HK1: variants seen among roughly 807,000 people sequenced by gnomAD.
HK1 encodes the protein hexokinase 1.
HK1 carries 28 observed loss-of-function variants against 91.6 expected under a neutral mutation model. That is an observed-to-expected ratio of 0.31 (90% CI 0.23 to 0.42). HK1 has a LOEUF of 0.42. Among genes scored for constraint, HK1 ranks in the 10% least tolerant of loss-of-function variants. The probability of loss-of-function intolerance (pLI) is 1.00; values close to 1 mark genes in which losing one functional copy is unlikely to be tolerated. For synonymous variants in HK1, 430 were observed against 468.1 expected, an observed-to-expected ratio of 0.92 and a Z score of 1.05; for missense variants, 770 against 1,219.8, an observed-to-expected ratio of 0.63 and a Z score of 5.49.
chr10:69,318,484 G>C (rs1409947754), upstream of HK1, among the ~76,000 whole-genome samples: 1 of 152,210 alleles, frequency 6.6e-6, no homozygotes, highest in Non-Finnish European at 1.5e-5. Context: ...GAGCCGGGCG[G>C]TGCCTCCTGC....
chr10:69,319,024 C>G lies in HK1; in HGVS notation c.63+14C>G, dbSNP rs964971476. 1.3e-6 allele frequency: 2 copies of G among 1,592,044 alleles called. No individual in the cohort carries two copies. The highest frequency in any genetic ancestry group is 2.7e-5 in the African/African-American group (2 of 74,322). On this transcript the variant is annotated intron_variant, in intron 1 of 17. Transcript: ENST00000359426. ...CAGGTCAAAAAGGTGAGCCCCCGCC[C>G]GCGCCGCCGCTGGTCCTGGCCGCAG...
chr10:69,319,795 A>C (rs1846900763), intron 1 of HK1, among the ~76,000 whole-genome samples: 1 of 152,188 alleles, frequency 6.6e-6, no homozygotes. Context: ...TTAGTGTAAA[A>C]TACTGTCCGC....
chr10:69,379,029 G>A (rs1168627993), intron 8 of HK1, among the ~76,000 whole-genome samples: 2 of 152,106 alleles, frequency 1.3e-5, no homozygotes, highest in South Asian at 2.1e-4. Context: ...GGTTCGTGCC[G>A]CAGTAACAGA....
chr10:69,318,892 G>C lies in HK1; in HGVS notation c.-56G>C. The C allele has an allele frequency of 6.5e-7, 1 of 1,543,162 alleles. No homozygotes were observed. The highest frequency in any genetic ancestry group is 8.7e-7 in the Non-Finnish European group (1 of 1,146,442). ...CCGCCGGAGGACCACGGCTCGCCAGGGCTGCGGAGGACCGACCGTCCCCAC... is the reference window on the plus strand; with the variant it reads ...CCGCCGGAGGACCACGGCTCGCCAGCGCTGCGGAGGACCGACCGTCCCCAC... On this transcript the variant is annotated 5_prime_UTR_variant, in exon 1 of 18. Transcript: ENST00000359426.
chr10:69,383,505 C>T (rs569254302), intron 10 of HK1, among the ~76,000 whole-genome samples: 1 of 152,312 alleles, frequency 6.6e-6, no homozygotes, highest in East Asian at 1.9e-4. Context: ...TACCTAATAC[C>T]ACATTATAAG....
At chr10:69,300,290 A>G (rs1845793500) in intron 4 of HK1, 1 of 304,786 alleles carries the variant, frequency 3.3e-6, no homozygotes, top group Non-Finnish European at 6.1e-6. Flanking sequence ...TCATATAAAT[A>G]TAATCATACA....
intron 7 of HK1, among the ~76,000 whole-genome samples, chr10:69,370,457 C>T (rs539738745): frequency 5.3e-5 from 8 of 152,306 alleles, no homozygotes; most frequent in African/African-American, 1.4e-4. Context: ...TATCTCTATG[C>T]TGTAGTCACG....
At chr10:69,376,469 G>A (rs989258965) in intron 7 of HK1, among the ~76,000 whole-genome samples, 14 of 152,038 alleles carry the variant, frequency 9.2e-5, no homozygotes, top group East Asian at 1.9e-4. Context: ...GTGTCACTGC[G>A]CTCTAGCCTG....
chr10:69,338,334 G>A, intron 1 of HK1: 1 of 1,185,924 alleles, frequency 8.4e-7, no homozygotes, highest in Non-Finnish European at 1.1e-6. Context: ...ACCCAGCTCG[G>A]TGTCTGATGT....
upstream of HK1, chr10:69,315,728 G>A (rs1846603992): frequency 1.7e-6 from 1 of 605,502 alleles, no homozygotes. Context: ...CAGCCCCCTA[G>A]AAGACAGTCA....
intron 2 of HK1, among the ~76,000 whole-genome samples, chr10:69,348,450 C>T (rs1429498973): frequency 2.6e-5 from 4 of 152,182 alleles, no homozygotes; most frequent in African/African-American, 9.6e-5. Context: ...GAGTTGAAGG[C>T]GTGGAGTTCC....
upstream of HK1, among the ~76,000 whole-genome samples, chr10:69,311,877 C>T (rs557480212): frequency 7.9e-5 from 12 of 152,232 alleles, no homozygotes; most frequent in Admixed American, 5.9e-4. Flanking sequence ...CCTCGTGATC[C>T]GCCTGCCTCG....
chr10:69,352,319 G>T (rs918465459), intron 2 of HK1, among the ~76,000 whole-genome samples: 3 of 152,094 alleles, frequency 2.0e-5, no homozygotes, highest in African/African-American at 7.2e-5. Context: ...CCTAGTGGTG[G>T]TGTAAAGTAC....
intron 3 of HK1, among the ~76,000 whole-genome samples, chr10:69,291,793 A>G (rs1589442385): frequency 6.6e-6 from 1 of 152,162 alleles, no homozygotes; most frequent in East Asian, 1.9e-4. Flanking sequence ...TGCATGGTCC[A>G]TTTGGTTTCT....
At chr10:69,357,933 A>G (rs529408600) in intron 2 of HK1, among the ~76,000 whole-genome samples, 47 of 152,230 alleles carry the variant, frequency 3.1e-4, no homozygotes, top group Non-Finnish European at 5.9e-4. Context: ...TGATGGTTGC[A>G]TAACTCCGAA....
chr10:69,272,480 T>C (rs997919956), intron 1 of HK1, among the ~76,000 whole-genome samples: 3 of 152,150 alleles, frequency 2.0e-5, no homozygotes, highest in Non-Finnish European at 2.9e-5. Flanking sequence ...TTCACGCAAC[T>C]TTTGTTTGTC....
chr10:69,315,982 C>T (rs755241471), upstream of HK1: 4 of 1,614,060 alleles, frequency 2.5e-6, no homozygotes, highest in Admixed American at 1.7e-5. Flanking sequence ...CCTGAGTTTG[C>T]CCTGTCGAGG....
At chr10:69,318,363 GCGTC>G (rs1305703408), upstream of HK1, 1 of 355,502 alleles carries the variant, frequency 2.8e-6, no homozygotes, top group East Asian at 1.7e-4. Context: ...CGGCACCTCG[GCGTC>G]CACCGGACTC....
At chr10:69,275,323 C>A (rs1300686599) in intron 1 of HK1, among the ~76,000 whole-genome samples, 2 of 151,234 alleles carry the variant, frequency 1.3e-5, no homozygotes, top group Non-Finnish European at 1.5e-5. Context: ...GAATTTGAGA[C>A]CAGCCTGAGC....
Sources: gnomAD v4.1 joint callset for allele counts (sites outside exome capture counted in the v4.1 genomes callset) on GRCh38, gnomAD v4.1.1 for gene constraint, MANE v1.5 for transcripts, NCBI Gene and HGNC (gene_info 2026-07-23, HGNC 2026-07-21) for gene names.